Variants in TENT5D observed in about 807,000 individuals in gnomAD.
The protein encoded by TENT5D is terminal nucleotidyltransferase 5D, also known as cancer/testis antigen 112.
For synonymous variants in TENT5D, 103 were observed against 100.6 expected (o/e 1.02, Z -0.15); for missense variants, 191 against 287.0 (o/e 0.67, Z 2.42).
intron 3 of TENT5D, among the ~76,000 whole-genome samples, chrX:80,380,472 C>T (rs918309794): frequency 4.5e-5 from 5 of 110,889 alleles, no homozygotes; most frequent in African/African-American, 9.8e-5. Flanking sequence ...ATGTCTATTA[C>T]GTCTGCTTGG....
chrX:80,338,984 A>G, intron 2 of TENT5D, among the ~76,000 whole-genome samples: 1 of 112,093 alleles, frequency 8.9e-6, no homozygotes, highest in East Asian at 2.8e-4. Context: ...AGAATGTCTC[A>G]TATACATCAT....
chrX:80,379,586 C>T (rs1367750539), intron 3 of TENT5D, among the ~76,000 whole-genome samples: 1 of 110,973 alleles, frequency 9.0e-6, no homozygotes, highest in Non-Finnish European at 1.9e-5. Flanking sequence ...TCCATCTGGT[C>T]CTGGACTTTT....
rs762474870 is a variant in TENT5D at position 80,409,200 on chromosome X, G to T, written c.-141-29410G>T. ...TTGAAAACTGGCACAAGACAGGGAT[G>T]CCCTCTCTCACCACTCCTATTCAAC... On this transcript the variant is annotated intron_variant, in intron 3 of 4. Coordinates refer to the TENT5D transcript ENST00000538312. 1.2e-4 allele frequency among the ~76,000 whole-genome samples: 13 copies of T among 111,006 alleles called. No homozygotes were observed. The South Asian group carries it at 5.1e-3, about 43-fold the overall frequency.
chrX:80,404,970 C>A (rs1412525304), intron 3 of TENT5D, among the ~76,000 whole-genome samples: 2 of 111,671 alleles, frequency 1.8e-5, no homozygotes, highest in African/African-American at 6.5e-5. Context: ...AAGAAAAGAC[C>A]TTCTGCAGTG....
At chrX:80,364,378 C>T (rs747372829) in intron 3 of TENT5D, among the ~76,000 whole-genome samples, 4 of 111,864 alleles carry the variant, frequency 3.6e-5, no homozygotes, top group African/African-American at 1.3e-4. Flanking sequence ...TAATTCTTTA[C>T]TCCTCTTTCT....
In TENT5D at chrX:80,442,766, A is replaced by G. The variant is rs372407342; in HGVS notation, c.227A>G (p.Asn76Ser). 8.3e-7 allele frequency: 1 copy of G among 1,211,359 alleles called. No individual in the cohort carries two copies. Among genetic ancestry groups the G allele is most frequent in the Non-Finnish European group, 1.1e-6 (1 of 895,140 alleles). ...GCAAGTTACATACTTGCAAGCCACAATGGAATCAGCTATAAGGATCTGGAC... is the reference window on the plus strand; with the variant it reads ...GCAAGTTACATACTTGCAAGCCACAGTGGAATCAGCTATAAGGATCTGGAC... The change falls in exon 3 of 3, where the codon AAT becomes AGT. Residue 76 changes from asparagine (N) to serine (S), a missense_variant. Physicochemically the swap from Asn to Ser is conservative, Grantham distance 46. Transcript: ENST00000308293.
chrX:80,362,174 T>TG (rs2147522195), intron 3 of TENT5D, among the ~76,000 whole-genome samples: 1 of 111,341 alleles, frequency 9.0e-6, no homozygotes, highest in East Asian at 2.8e-4. Flanking sequence ...ATCTTTTTTT[T>TG]TTTTCTTGAG....
chrX:80,403,221 C>T (rs1931422872), intron 3 of TENT5D, among the ~76,000 whole-genome samples: 4 of 111,864 alleles, frequency 3.6e-5, no homozygotes, highest in Admixed American at 2.8e-4. Flanking sequence ...CTCTTATAAA[C>T]AATCAATTAA....
chrX:80,388,816 G>A (rs1486811506), intron 3 of TENT5D, among the ~76,000 whole-genome samples: 2 of 111,519 alleles, frequency 1.8e-5, no homozygotes, highest in Non-Finnish European at 3.8e-5. Flanking sequence ...GACCTGCCTA[G>A]GATTTGCAGT....
Position 80,406,494 on chromosome X carries a change from G to A in TENT5D, c.-141-32116G>A, listed in dbSNP as rs1270202255. Among the ~76,000 whole-genome samples, 39 of 105,323 alleles carry A rather than the reference G, an allele frequency of 3.7e-4. 1 individual carries two copies. In the East Asian group the frequency reaches 0.011, roughly 30 times the overall value. The allele number at this position is 105,323 out of a possible 115,157, so 91.5% of individuals were successfully genotyped here. ...CCGATGTGATCAACTGGAAGAAAGGGTATCAGCAATGGAAGATGAAATGAA... is the reference window on the plus strand; with the variant it reads ...CCGATGTGATCAACTGGAAGAAAGGATATCAGCAATGGAAGATGAAATGAA... On this transcript the variant is annotated intron_variant, in intron 3 of 4. Coordinates refer to the TENT5D transcript ENST00000538312.
chrX:80,365,222 ATTATACT>A (rs1019898176), intron 3 of TENT5D, among the ~76,000 whole-genome samples: 26 of 111,798 alleles, frequency 2.3e-4, no homozygotes, highest in Non-Finnish European at 4.1e-4. Flanking sequence ...GACATTGTAG[ATTATACT>A]TTATACTTAA....
chrX:80,384,770 A>C (rs1930955662), intron 3 of TENT5D, among the ~76,000 whole-genome samples: 1 of 107,255 alleles, frequency 9.3e-6, no homozygotes, highest in Admixed American at 1.0e-4. Context: ...AAGCATTCTT[A>C]TACACCAATA....
At chrX:80,407,156 G>A (rs1352766397) in intron 3 of TENT5D, among the ~76,000 whole-genome samples, 1 of 108,877 alleles carries the variant, frequency 9.2e-6, no homozygotes, top group Non-Finnish European at 1.9e-5. Flanking sequence ...ATGCCAAAAT[G>A]TAAAGACCAT....
chrX:80,353,772 A>G (rs1204484842), intron 3 of TENT5D, among the ~76,000 whole-genome samples: 1 of 111,743 alleles, frequency 8.9e-6, no homozygotes, highest in Non-Finnish European at 1.9e-5. Flanking sequence ...AGAACATTGT[A>G]TATTCCTTTG....
intron 3 of TENT5D, among the ~76,000 whole-genome samples, chrX:80,411,639 T>G (rs779678175): frequency 1.8e-5 from 2 of 112,343 alleles, no homozygotes; most frequent in African/African-American, 6.5e-5. Context: ...AAGTATTTTT[T>G]AATAAGAACA....
intron 3 of TENT5D, among the ~76,000 whole-genome samples, chrX:80,412,432 C>T (rs1931690148): frequency 8.9e-6 from 1 of 112,656 alleles, no homozygotes; most frequent in African/African-American, 3.2e-5. Context: ...TGAATTTCTT[C>T]TCAAAAAACA....
At chrX:80,383,267 A>G (rs937274972) in intron 3 of TENT5D, among the ~76,000 whole-genome samples, 3 of 111,698 alleles carry the variant, frequency 2.7e-5, no homozygotes, top group South Asian at 3.8e-4. Context: ...CCCTTTTCCA[A>G]CTGCAGCAAA....
intron 3 of TENT5D, among the ~76,000 whole-genome samples, chrX:80,397,914 C>T (rs1157614211): frequency 1.8e-5 from 2 of 110,775 alleles, no homozygotes; most frequent in Non-Finnish European, 3.8e-5. Flanking sequence ...CAGAGGGAGA[C>T]CGTGGAAAGA....
chrX:80,346,619 A>G (rs764439910), intron 3 of TENT5D, among the ~76,000 whole-genome samples: 1 of 111,616 alleles, frequency 9.0e-6, no homozygotes, highest in African/African-American at 3.3e-5. Flanking sequence ...TGTGCTTGTC[A>G]TATTTATATC....
Sources: allele counts gnomAD v4.1 joint callset (sites outside exome capture counted in the v4.1 genomes callset), GRCh38; gene constraint gnomAD v4.1.1; transcripts MANE v1.5; gene names NCBI Gene and HGNC (gene_info 2026-07-23, HGNC 2026-07-21).